Variants in HCN1 observed in about 807,000 individuals in gnomAD.
The protein encoded by HCN1 is hyperpolarization activated cyclic nucleotide gated potassium channel 1.
A neutral mutation model predicts 78.9 loss-of-function variants in HCN1; 13 were observed. The ratio of observed to expected loss-of-function variants is 0.16; its 90% CI spans 0.11 to 0.26. The LOEUF is 0.26. HCN1 is among the 10% of genes least tolerant of loss of function. HCN1 has a pLI of 1.00. For missense variants in HCN1, 810 were observed against 1,154.3 expected, an observed-to-expected ratio of 0.70 and a Z score of 4.32; for synonymous variants, 552 against 455.5, an observed-to-expected ratio of 1.21 and a Z score of -2.70.
intron 1 of HCN1, among the ~76,000 whole-genome samples, chr5:45,655,571 T>C (rs1162152828): frequency 6.6e-6 from 1 of 152,140 alleles, no homozygotes; most frequent in Non-Finnish European, 1.5e-5. Context: ...CAGTCACCTA[T>C]CTGAGCAGGT....
intron 6 of HCN1, among the ~76,000 whole-genome samples, chr5:45,268,696 T>C (rs1164424319): frequency 6.6e-6 from 1 of 152,226 alleles, no homozygotes; most frequent in Non-Finnish European, 1.5e-5. Context: ...AATTATGCTG[T>C]TGTTCTTGTC....
intron 2 of HCN1, among the ~76,000 whole-genome samples, chr5:45,464,657 A>G (rs1741231788): frequency 6.6e-6 from 1 of 151,832 alleles, no homozygotes; most frequent in South Asian, 2.1e-4. Context: ...AAAAGAGCAT[A>G]TGTAAAGTAT....
At chr5:45,377,337 T>C (rs79132215) in intron 4 of HCN1, among the ~76,000 whole-genome samples, 2,572 of 152,152 alleles carry the variant, frequency 0.017, 85 homozygotes, top group African/African-American at 0.057. Flanking sequence ...CTAATTCCCA[T>C]TCTTCTGTTC....
At chr5:45,537,177 T>TA (rs1473653552) in intron 2 of HCN1, among the ~76,000 whole-genome samples, 1 of 152,140 alleles carries the variant, frequency 6.6e-6, no homozygotes, top group Admixed American at 6.5e-5. Flanking sequence ...GCCTTAGGCA[T>TA]AAAAAACAAC....
intron 6 of HCN1, among the ~76,000 whole-genome samples, chr5:45,283,128 A>C (rs1316701934): frequency 6.6e-6 from 1 of 152,168 alleles, no homozygotes; most frequent in African/African-American, 2.4e-5. Flanking sequence ...GCATGTTCGA[A>C]ATTATTAAAG....
chr5:45,666,679 C>T (rs1378366372), intron 1 of HCN1, among the ~76,000 whole-genome samples: 1 of 151,920 alleles, frequency 6.6e-6, no homozygotes, highest in African/African-American at 2.4e-5. Context: ...CCAGGGATCA[C>T]ATCTATCTCT....
intron 2 of HCN1, among the ~76,000 whole-genome samples, chr5:45,608,793 A>G (rs1487859493): frequency 6.6e-6 from 1 of 151,996 alleles, no homozygotes; most frequent in Non-Finnish European, 1.5e-5. Context: ...CAAATTAAAA[A>G]CTTCAGTATA....
chr5:45,351,015 G>A (rs1746888490), intron 5 of HCN1, among the ~76,000 whole-genome samples: 1 of 151,966 alleles, frequency 6.6e-6, no homozygotes, highest in South Asian at 2.1e-4. Flanking sequence ...CACAGAATTG[G>A]AAAAAACTAC....
chr5:45,306,964 T>C (rs1745747102), intron 5 of HCN1, among the ~76,000 whole-genome samples: 2 of 152,066 alleles, frequency 1.3e-5, no homozygotes, highest in African/African-American at 4.8e-5. Context: ...CCTGGAACAT[T>C]TTGTAGTACA....
chr5:45,282,835 C>T (rs1010489915), intron 6 of HCN1, among the ~76,000 whole-genome samples: 3 of 152,000 alleles, frequency 2.0e-5, no homozygotes, highest in African/African-American at 7.2e-5. Flanking sequence ...TTACAGAAAC[C>T]CTATTCTTAA....
In HCN1 at chr5:45,374,887, T is replaced by G. The variant is rs190976638; in HGVS notation, c.1230+21605A>C. Among the ~76,000 whole-genome samples, 247 of 144,220 alleles carry G rather than the reference T, an allele frequency of 1.7e-3. 4 individuals are homozygous for G. The highest frequency in any genetic ancestry group is 7.3e-3 in the Middle Eastern group (2 of 274). The allele number at this position is 144,220 out of a possible 152,430, so 94.6% of individuals were successfully genotyped here. A position where few individuals can be genotyped will look rare whatever the true frequency, so the allele number is the denominator to read the frequency against. Reference sequence around the variant, plus strand: ...TATTTTTGGTTCATGGGTATATATATAGAGAGAGACAGAGAGAGAGAGAGA... The same window carrying G: ...TATTTTTGGTTCATGGGTATATATAGAGAGAGAGACAGAGAGAGAGAGAGA... On this transcript the variant is annotated intron_variant, in intron 4 of 7. Coordinates refer to ENST00000303230, the MANE Select transcript of HCN1 (RefSeq NM_021072.4).
At chr5:45,668,224 C>T (rs958821014) in intron 1 of HCN1, among the ~76,000 whole-genome samples, 3 of 151,850 alleles carry the variant, frequency 2.0e-5, no homozygotes, top group African/African-American at 7.3e-5. Flanking sequence ...TGGTTTGGCT[C>T]TGTGTTCCCA....
At chr5:45,315,283 T>C (rs1225332948) in intron 5 of HCN1, among the ~76,000 whole-genome samples, 1 of 152,068 alleles carries the variant, frequency 6.6e-6, no homozygotes, top group Admixed American at 6.6e-5. Flanking sequence ...CTCAACTACA[T>C]GGAAATGGAA....
At chr5:45,507,610 G>A (rs537896525) in intron 2 of HCN1, among the ~76,000 whole-genome samples, 4 of 152,214 alleles carry the variant, frequency 2.6e-5, no homozygotes, top group Non-Finnish European at 5.9e-5. Context: ...GTATATAAAT[G>A]AGAAACATTG....
chr5:45,512,642 C>T (rs768898595), intron 2 of HCN1, among the ~76,000 whole-genome samples: 29 of 152,054 alleles, frequency 1.9e-4, no homozygotes, highest in Admixed American at 1.1e-3. Context: ...AAAAATATTA[C>T]TCTAGAGGAC....
intron 2 of HCN1, among the ~76,000 whole-genome samples, chr5:45,480,331 A>G (rs1741622283): frequency 6.6e-6 from 1 of 152,144 alleles, no homozygotes; most frequent in Admixed American, 6.5e-5. Flanking sequence ...TATTGTTTTA[A>G]TTAAGTATTT....
At chr5:45,482,290 G>T (rs1490494860) in intron 2 of HCN1, among the ~76,000 whole-genome samples, 1 of 152,144 alleles carries the variant, frequency 6.6e-6, no homozygotes, top group African/African-American at 2.4e-5. Flanking sequence ...AGGGAAAGGG[G>T]CTTCATGCCC....
chr5:45,666,219 G>A (rs985187472), intron 1 of HCN1, among the ~76,000 whole-genome samples: 5 of 151,978 alleles, frequency 3.3e-5, no homozygotes, highest in African/African-American at 4.8e-5. Flanking sequence ...GTGGCAAACC[G>A]GGAATATAAA....
chr5:45,347,330 C>A (rs963632558), intron 5 of HCN1, among the ~76,000 whole-genome samples: 2 of 152,162 alleles, frequency 1.3e-5, no homozygotes, highest in African/African-American at 4.8e-5. Flanking sequence ...GGAAAACTAA[C>A]AAACACAAAG....
Sources: allele counts gnomAD v4.1 joint callset (sites outside exome capture counted in the v4.1 genomes callset), GRCh38; gene constraint gnomAD v4.1.1; transcripts MANE v1.5; gene names NCBI Gene and HGNC (gene_info 2026-07-23, HGNC 2026-07-21).